FAM168A: variants seen among roughly 807,000 people sequenced by gnomAD.
The protein encoded by FAM168A is family with sequence similarity 168 member A.
FAM168A carries 3 observed loss-of-function variants against 28.5 expected under a neutral mutation model. The ratio of observed to expected loss-of-function variants is 0.11; its 90% confidence interval spans 0.05 to 0.27. The LOEUF is 0.27. Ranked by LOEUF, FAM168A falls within the 10% of genes least tolerant of loss-of-function variation. The pLI is 1.00. For synonymous variants in FAM168A, 122 were observed against 124.2 expected (o/e 0.98, Z 0.12); for missense variants, 222 against 311.5 (o/e 0.71, Z 2.16).
chr11:73,522,942 G>T (rs963159195), intron 1 of FAM168A, among the ~76,000 whole-genome samples: 1 of 152,024 alleles, frequency 6.6e-6, no homozygotes, highest in Non-Finnish European at 1.5e-5. Context: ...GAACCCAGGA[G>T]GTGGAGGTTG....
At chr11:73,414,868 G>A (rs1435511858) in intron 4 of FAM168A, among the ~76,000 whole-genome samples, 1 of 152,206 alleles carries the variant, frequency 6.6e-6, no homozygotes, top group Non-Finnish European at 1.5e-5. Context: ...AAAATGTTAT[G>A]GCTTAAAATG....
chr11:73,484,747 T>A (rs1041981864), intron 1 of FAM168A, among the ~76,000 whole-genome samples: 1 of 148,502 alleles, frequency 6.7e-6, no homozygotes, highest in Non-Finnish European at 1.5e-5. Context: ...TATAGATATA[T>A]AGATATATAG....
At chr11:73,577,983 G>C (rs1383544237) in intron 1 of FAM168A, among the ~76,000 whole-genome samples, 1 of 152,168 alleles carries the variant, frequency 6.6e-6, no homozygotes, top group African/African-American at 2.4e-5. Context: ...GGAGCTCTAA[G>C]TGACAGAAAT....
At chr11:73,572,945 T>A (rs12276892) in intron 1 of FAM168A, among the ~76,000 whole-genome samples, 32,156 of 152,090 alleles carry the variant, frequency 0.21, 5,671 homozygotes, top group African/African-American at 0.49. Flanking sequence ...TAGGAAAAAT[T>A]TCATCCACAT....
intron 1 of FAM168A, among the ~76,000 whole-genome samples, chr11:73,522,559 A>G (rs1260895949): frequency 6.6e-6 from 1 of 151,664 alleles, no homozygotes; most frequent in Non-Finnish European, 1.5e-5. Flanking sequence ...GATGGTACCA[A>G]TCTCCTGACA....
At chr11:73,544,796 ATG>A (rs1422555183) in intron 1 of FAM168A, among the ~76,000 whole-genome samples, 29 of 108,558 alleles carry the variant, frequency 2.7e-4, no homozygotes, top group African/African-American at 1.1e-3. Flanking sequence ...TATTTTATAT[ATG>A]TAATTATATA....
intron 1 of FAM168A, among the ~76,000 whole-genome samples, chr11:73,511,037 C>T (rs1855213465): frequency 6.6e-6 from 1 of 152,080 alleles, no homozygotes; most frequent in East Asian, 1.9e-4. Flanking sequence ...AGGTCCCTTC[C>T]CACAAAAGGA....
At chr11:73,533,888 G>C (rs1943544703) in intron 1 of FAM168A, among the ~76,000 whole-genome samples, 1 of 152,060 alleles carries the variant, frequency 6.6e-6, no homozygotes, top group Admixed American at 6.5e-5. Context: ...TCATCTGGTG[G>C]GTGCCTCTAC....
chr11:73,522,203 C>CAAA (rs5792619), intron 1 of FAM168A, among the ~76,000 whole-genome samples: 55 of 144,532 alleles, frequency 3.8e-4, no homozygotes, highest in African/African-American at 1.2e-3. Flanking sequence ...TCTAGTCCAC[C>CAAA]AAAAAAAAAA....
intron 2 of FAM168A, among the ~76,000 whole-genome samples, chr11:73,436,638 ATC>A (rs1867091774): frequency 6.6e-6 from 1 of 152,192 alleles, no homozygotes; most frequent in Non-Finnish European, 1.5e-5. Flanking sequence ...ATCTGATTTA[ATC>A]TCTACCCAAA....
At chr11:73,587,899 G>A (rs1442951106) in intron 1 of FAM168A, among the ~76,000 whole-genome samples, 2 of 152,026 alleles carry the variant, frequency 1.3e-5, no homozygotes, top group Non-Finnish European at 2.9e-5. Context: ...ACAGGTGTGT[G>A]CCACCACGCC....
intron 2 of FAM168A, among the ~76,000 whole-genome samples, chr11:73,443,676 AT>A (rs1308592995): frequency 6.6e-6 from 1 of 152,202 alleles, no homozygotes; most frequent in Non-Finnish European, 1.5e-5. Context: ...GTGGCGCTTC[AT>A]TTATAGGCAG....
chr11:73,434,346 G>A (rs1325331501), intron 2 of FAM168A, among the ~76,000 whole-genome samples: 1 of 152,090 alleles, frequency 6.6e-6, no homozygotes, highest in Admixed American at 6.5e-5. Context: ...AAGAGAAAAT[G>A]GGCAAAGTAA....
At chr11:73,567,783 C>T (rs1393622177) in intron 1 of FAM168A, among the ~76,000 whole-genome samples, 1 of 151,990 alleles carries the variant, frequency 6.6e-6, no homozygotes, top group African/African-American at 2.4e-5. Context: ...GGACTTATTT[C>T]AAGGTAGATG....
At chr11:73,413,515 A>G (rs569328228) in intron 4 of FAM168A, among the ~76,000 whole-genome samples, 1 of 152,200 alleles carries the variant, frequency 6.6e-6, no homozygotes, top group Admixed American at 6.5e-5. Flanking sequence ...CAGGGAGACT[A>G]GCTTTGCAGA....
intron 1 of FAM168A, among the ~76,000 whole-genome samples, chr11:73,572,210 G>A (rs1944103937): frequency 6.6e-6 from 1 of 151,438 alleles, no homozygotes; most frequent in Non-Finnish European, 1.5e-5. Flanking sequence ...GGGAGGTCAG[G>A]GGTCAGCCCC....
Position 73,417,961 on chromosome 11 carries a change from G to C in FAM168A, c.277+1913C>G, listed in dbSNP as rs141393571. On this transcript the variant is annotated intron_variant, in intron 4 of 7. Coordinates refer to ENST00000356467, the MANE Select transcript of FAM168A (RefSeq NM_015159.3). ...TTTCCGGCTGTGCTGCTTACTAGCTGGGTGGCGTTGGACCTATTACCTTTC... is the reference window on the plus strand; with the variant it reads ...TTTCCGGCTGTGCTGCTTACTAGCTCGGTGGCGTTGGACCTATTACCTTTC... Among the ~76,000 whole-genome samples, 8 of 152,260 alleles carry C rather than the reference G, an allele frequency of 5.3e-5. No homozygotes were observed. The East Asian group carries it at 1.5e-3, about 29-fold the overall frequency.
At chr11:73,523,864 A>ATTTTTT (rs112025313) in intron 1 of FAM168A, among the ~76,000 whole-genome samples, 1 of 145,206 alleles carries the variant, frequency 6.9e-6, no homozygotes, top group Admixed American at 6.9e-5. Context: ...CTTTTCCCCT[A>ATTTTTT]TTTTTTTTTT....
At chr11:73,461,485 T>C (rs1590793981) in intron 2 of FAM168A, among the ~76,000 whole-genome samples, 2 of 152,148 alleles carry the variant, frequency 1.3e-5, no homozygotes, top group African/African-American at 4.8e-5. Flanking sequence ...AAGAACAGGG[T>C]TGGATTTGAT....
Sources: gnomAD v4.1 joint callset for allele counts (sites outside exome capture counted in the v4.1 genomes callset) on GRCh38, gnomAD v4.1.1 for gene constraint, MANE v1.5 for transcripts, NCBI Gene and HGNC (gene_info 2026-07-23, HGNC 2026-07-21) for gene names.